Variants in IKBKE observed in about 807,000 individuals in gnomAD.
IKBKE encodes inhibitor of nuclear factor kappa-B kinase subunit epsilon.
A neutral mutation model predicts 92.1 loss-of-function variants in IKBKE; 45 were observed. The ratio of observed to expected loss-of-function variants is 0.49; its 90% CI spans 0.38 to 0.63. The LOEUF (loss-of-function observed/expected upper bound fraction) is 0.63. IKBKE is among the 20% of genes least tolerant of loss of function. The pLI is 0.00. For synonymous variants in IKBKE, 374 were observed against 380.3 expected, an observed-to-expected ratio of 0.98 and a Z score of 0.19; for missense variants, 700 against 932.8, an observed-to-expected ratio of 0.75 and a Z score of 3.25.
At position 206,478,433 on chromosome 1, in the gene IKBKE, G is replaced by A; in HGVS notation, c.992+94G>A. On this transcript the variant is annotated intron_variant, in intron 9 of 21. Transcript: ENST00000581977. The surrounding 1 kb of genome is among the most constrained non-coding windows in gnomAD (Gnocchi z 4.8). ...AGCATCTCCCACAGTACGTTCTGAG[G>A]AGTGTGTACATAGGAACGCTTCCAG... The A allele has an allele frequency of 7.8e-7, 1 of 1,290,294 alleles. No homozygotes were observed. Among genetic ancestry groups the A allele is most frequent in the Non-Finnish European group, 1.1e-6 (1 of 908,906 alleles). The allele number at this position is 1,290,294 out of a possible 1,614,324, so 79.9% of individuals were successfully genotyped here. A position where few individuals can be genotyped will look rare whatever the true frequency, so the allele number is the denominator to read the frequency against.
At chr1:206,483,825 G>T (rs1665517463) in intron 13 of IKBKE, among the ~76,000 whole-genome samples, 1 of 152,204 alleles carries the variant, frequency 6.6e-6, no homozygotes, top group Non-Finnish European at 1.5e-5. Flanking sequence ...CTGTTTTGGG[G>T]ATCACATCTG....
chr1:206,472,255 TA>T (rs1173392739), intron 2 of IKBKE, among the ~76,000 whole-genome samples: 3 of 151,104 alleles, frequency 2.0e-5, no homozygotes, highest in African/African-American at 7.3e-5. Flanking sequence ...TACGTCAAAA[TA>T]AAAAAAAGAA....
At position 206,478,373 on chromosome 1, in the gene IKBKE, C is replaced by A; in HGVS notation, c.992+34C>A. The stretch of plus-strand genomic sequence containing the variant: ...GGGCGAGGGAGGGAAGCGGTGAGAA[C>A]CTTCTCTACCCAAGCAGCAGTGCAT... On this transcript the variant is annotated intron_variant, in intron 9 of 21. Transcript: ENST00000581977. This position sits in a 1 kb window ranked among gnomAD's most constrained non-coding sequence, Gnocchi z 4.8. 1 of 1,595,868 alleles carries A rather than the reference C, an allele frequency of 6.3e-7. No individual in the cohort carries two copies. The highest frequency in any genetic ancestry group is 8.5e-7 in the Non-Finnish European group (1 of 1,170,982).
rs1447308838 is a variant in IKBKE at position 206,485,443 on chromosome 1, G to A, written c.1616+137G>A. The A allele has an allele frequency of 1.6e-6, 1 of 623,764 alleles. No individual in the cohort carries two copies. The highest frequency in any genetic ancestry group is 2.9e-6 in the Non-Finnish European group (1 of 344,494). The allele number at this position is 623,764 out of a possible 1,614,324, so 38.6% of individuals were successfully genotyped here. On this transcript the variant is annotated intron_variant, in intron 15 of 21. Coordinates refer to ENST00000581977, the MANE Select transcript of IKBKE (RefSeq NM_014002.4). The surrounding 1 kb of genome is among the most constrained non-coding windows in gnomAD (Gnocchi z 5.0). ...AAGGGTGCTAGGGCATGGGGGAGTA[G>A]AGGGAGATCCAGCAATAAACAAGAA...
intron 4 of IKBKE, 68 bp from the exon 5 acceptor site, chr1:206,474,797 C>T: frequency 1.3e-6 from 2 of 1,572,498 alleles, no homozygotes; most frequent in Non-Finnish European, 1.7e-6. Context: ...CCAGGCTGAG[C>T]CACTTCTTCC....
intron 21 of IKBKE, among the ~76,000 whole-genome samples, chr1:206,495,425 A>G (rs1172031324): frequency 1.3e-5 from 2 of 152,116 alleles, no homozygotes; most frequent in African/African-American, 2.4e-5. Context: ...ACTAAATGTT[A>G]CTTCTTCCCC....
intron 5 of IKBKE, among the ~76,000 whole-genome samples, chr1:206,475,912 A>G (rs528653172): frequency 6.6e-6 from 1 of 152,218 alleles, no homozygotes; most frequent in Non-Finnish European, 1.5e-5. Context: ...AAGAAGTAAT[A>G]CAAAGAGGGG....
chr1:206,482,601 C>T (rs1432640809), intron 13 of IKBKE, among the ~76,000 whole-genome samples: 1 of 152,214 alleles, frequency 6.6e-6, no homozygotes, highest in Non-Finnish European at 1.5e-5. Flanking sequence ...AGCCTCCCAT[C>T]AAGGAGGAGG....
intron 7 of IKBKE, among the ~76,000 whole-genome samples, chr1:206,477,081 C>T (rs1665109122): frequency 6.6e-6 from 1 of 152,226 alleles, no homozygotes; most frequent in African/African-American, 2.4e-5. Flanking sequence ...CACTCTAGCC[C>T]TCTGCTCCCT....
rs374633606 is a variant in IKBKE, at chr1:206,477,478, G to C, written c.702-271G>C. On this transcript the variant is annotated intron_variant, in intron 7 of 21. Coordinates refer to ENST00000581977, the MANE Select transcript of IKBKE (RefSeq NM_014002.4). The stretch of plus-strand genomic sequence containing the variant: ...CATGCATAGCATGGGCAAAGGTGTG[G>C]AGGAGGCTGGCCAGGCTGAGGGAAG... 4.1e-5 allele frequency among the ~76,000 whole-genome samples: 6 copies of C among 146,078 alleles called. 1 individual carries two copies. The highest frequency in any genetic ancestry group is 1.5e-4 in the African/African-American group (6 of 38,774).
chr1:206,480,154 C>A, intron 12 of IKBKE, 41 bp downstream of exon 12: 1 of 1,423,332 alleles, frequency 7.0e-7, no homozygotes, highest in Non-Finnish European at 9.4e-7. Flanking sequence ...GGGAGGCGGG[C>A]AGGAGAGGGA....
rs1553385900 is a variant in IKBKE at position 206,478,021 on chromosome 1, T to A, written c.813-139T>A. ...GGTTGCTGGAACGAGTTCTTCCAGC[T>A]CTTCCTCCCCAACCCACCCTGCCCC... On this transcript the variant is annotated intron_variant, in intron 8 of 21. Transcript: ENST00000581977. This position sits in a 1 kb window ranked among gnomAD's most constrained non-coding sequence, Gnocchi z 4.8. The A allele has an allele frequency of 2.4e-6, 2 of 829,992 alleles. No homozygotes were observed. The highest frequency in any genetic ancestry group is 3.4e-5 in the African/African-American group (2 of 58,394). 51.4% of individuals were successfully genotyped at this position (829,992 alleles called of 1,614,324 possible).
At position 206,487,833 on chromosome 1, in the gene IKBKE, A is replaced by C; in HGVS notation, c.1617-81A>C. ...GGCTGTGAGGCTCCTCCCCTATTCC[A>C]CTGCCACCCTTCCCCTCCCTCCCTC... On this transcript the variant is annotated intron_variant, in intron 15 of 21. Transcript: ENST00000581977. This position sits in a 1 kb window ranked among gnomAD's most constrained non-coding sequence, Gnocchi z 5.3. 1 of 1,136,058 alleles carries C rather than the reference A, an allele frequency of 8.8e-7. No homozygotes were observed. The highest frequency in any genetic ancestry group is 1.3e-6 in the Non-Finnish European group (1 of 771,372). The allele number at this position is 1,136,058 out of a possible 1,614,324, so 70.4% of individuals were successfully genotyped here.
chr1:206,486,852 G>C (rs930032190), intron 15 of IKBKE, among the ~76,000 whole-genome samples: 1 of 151,188 alleles, frequency 6.6e-6, no homozygotes, highest in Non-Finnish European at 1.5e-5. Flanking sequence ...TTGGATGAAG[G>C]CTGAGGATCA....
Position 206,478,482 on chromosome 1 carries a change from C to T in IKBKE, c.992+143C>T. ...AGGTCCAAACGTAGTTGGGAAAAGA[C>T]TAGTTCTACAAAGTTAAAGCTAAAC... is the stretch of plus-strand genomic sequence containing the variant. On this transcript the variant is annotated intron_variant, in intron 9 of 21. Coordinates refer to ENST00000581977, the MANE Select transcript of IKBKE (RefSeq NM_014002.4). This position sits in a 1 kb window ranked among gnomAD's most constrained non-coding sequence, Gnocchi z 4.8. 1.2e-6 allele frequency: 1 copy of T among 845,374 alleles called. No individual in the cohort carries two copies. Among genetic ancestry groups the T allele is most frequent in the East Asian group, 2.4e-5 (1 of 41,016 alleles). The allele number at this position is 845,374 out of a possible 1,614,324, so 52.4% of individuals were successfully genotyped here.
intron 17 of IKBKE, chr1:206,491,105 G>T: frequency 1.7e-6 from 1 of 574,048 alleles, no homozygotes; most frequent in Admixed American, 3.0e-5. Flanking sequence ...CTGTTTGCAG[G>T]CTTTTTTTTT....
At chr1:206,494,905 C>T (rs186594942) in intron 21 of IKBKE, among the ~76,000 whole-genome samples, 3 of 148,808 alleles carry the variant, frequency 2.0e-5, no homozygotes, top group Non-Finnish European at 4.4e-5. Flanking sequence ...CGCCCGGCTA[C>T]GTACCAGTAT....
At chr1:206,486,848 G>A (rs1665692906) in intron 15 of IKBKE, among the ~76,000 whole-genome samples, 1 of 150,418 alleles carries the variant, frequency 6.6e-6, no homozygotes, top group African/African-American at 2.5e-5. Flanking sequence ...CCTTTTGGAT[G>A]AAGGCTGAGG....
intron 13 of IKBKE, among the ~76,000 whole-genome samples, chr1:206,481,396 G>A (rs12724769): frequency 0.41 from 62,905 of 152,128 alleles, 14,289 homozygotes; most frequent in South Asian, 0.58. Flanking sequence ...ATGCAGCCCC[G>A]CGTGCCTCCT....
Sources: gnomAD v4.1 joint callset for allele counts (sites outside exome capture counted in the v4.1 genomes callset) on GRCh38, gnomAD v4.1.1 for gene constraint, Gnocchi (gnomAD v3.1) non-coding constraint, MANE v1.5 for transcripts, NCBI Gene and HGNC (gene_info 2026-07-23, HGNC 2026-07-21) for gene names.